PAH: variants seen among roughly 807,000 people sequenced by gnomAD.
The protein encoded by PAH is phenylalanine hydroxylase.
PAH carries 64 observed loss-of-function variants against 62.0 expected under a neutral mutation model. The ratio of observed to expected loss-of-function variants is 1.03; its 90% CI spans 0.84 to 1.27. The LOEUF is 1.27. Among genes scored for constraint, PAH ranks in the 50% most tolerant of loss-of-function variants. The probability of loss-of-function intolerance (pLI) is 0.00; values close to 1 mark genes in which losing one functional copy is unlikely to be tolerated. For synonymous variants in PAH, 195 were observed against 196.2 expected, an observed-to-expected ratio of 0.99 and a Z score of 0.05; for missense variants, 579 against 542.8, an observed-to-expected ratio of 1.07 and a Z score of -0.66.
intron 5 of PAH, among the ~76,000 whole-genome samples, chr12:102,859,763 A>G (rs1034204121): frequency 6.6e-6 from 1 of 152,254 alleles, no homozygotes; most frequent in Non-Finnish European, 1.5e-5. Context: ...GCCTTTGACA[A>G]AATTCAACAG....
intron 2 of PAH, among the ~76,000 whole-genome samples, chr12:102,896,559 ACGTGAAGGTGGC>A (rs1355355107): frequency 6.6e-6 from 1 of 152,202 alleles, no homozygotes; most frequent in Non-Finnish European, 1.5e-5. Flanking sequence ...TGCAGACAAG[ACGTGAAGGTGGC>A]TATGTCTATG....
chr12:102,876,904 C>T (rs370556508), intron 4 of PAH, among the ~76,000 whole-genome samples: 16 of 152,236 alleles, frequency 1.1e-4, no homozygotes, highest in East Asian at 9.7e-4. Flanking sequence ...GCCCCAGCCA[C>T]ATCTCTCATT....
intron 5 of PAH, among the ~76,000 whole-genome samples, chr12:102,856,310 A>C (rs1043600237): frequency 4.6e-5 from 7 of 152,102 alleles, no homozygotes; most frequent in Non-Finnish European, 1.0e-4. Context: ...CTATAGTTTA[A>C]AAGTCGTTAG....
At chr12:102,858,162 C>G (rs1875531010) in intron 5 of PAH, among the ~76,000 whole-genome samples, 1 of 152,106 alleles carries the variant, frequency 6.6e-6, no homozygotes, top group African/African-American at 2.4e-5. Context: ...TGAAAAAAGG[C>G]AGGGGTTGCA....
At chr12:102,895,869 A>AAATATATATATATATATATAT (rs953209518) in intron 2 of PAH, among the ~76,000 whole-genome samples, 102 of 118,648 alleles carry the variant, frequency 8.6e-4, no homozygotes, top group African/African-American at 3.5e-3. Context: ...AAAAAAAAAA[A>AAATATATATATATATATATAT]ATATATATAT....
At chr12:102,927,103 G>A (rs907921978) in intron 1 of PAH, among the ~76,000 whole-genome samples, 22 of 152,020 alleles carry the variant, frequency 1.4e-4, no homozygotes, top group African/African-American at 5.1e-4. Flanking sequence ...ACACTTAGGG[G>A]CAGAGAAGGC....
At chr12:102,902,927 T>A (rs61943173) in intron 2 of PAH, among the ~76,000 whole-genome samples, 13,887 of 152,254 alleles carry the variant, frequency 0.091, 738 homozygotes, top group African/African-American at 0.14. Context: ...TGGGGCTGCC[T>A]AACTCAGGGG....
chr12:102,889,150 A>C lies in PAH; in HGVS notation c.352+5585T>G, dbSNP rs538664856. Among the ~76,000 whole-genome samples, 15 of 152,218 alleles carry C rather than the reference A, an allele frequency of 9.9e-5. No individual in the cohort carries two copies. In the South Asian group the frequency reaches 2.1e-3, roughly 21 times the overall value. ...CCCTTTGAAAAATCTTGTCTCCTAA[A>C]AATTATGCATGCACACCCATGTATT... On this transcript the variant is annotated intron_variant, in intron 3 of 12. Coordinates refer to ENST00000553106, the MANE Select transcript of PAH (RefSeq NM_000277.3).
In PAH at chr12:102,894,800, TTGA is replaced by T. The variant is rs62508727; in HGVS notation, c.284_286del (p.Ile95del). ...GGCACCAATGTCATGCCTCAAGATCTTGATGATGTTTGTCAGAGCAGGCAGGCT... is the reference window on the plus strand; with the variant it reads ...GGCACCAATGTCATGCCTCAAGATCTTGATGTTTGTCAGAGCAGGCAGGCT... On this transcript the variant is annotated inframe_deletion, in exon 3 of 13. Coordinates refer to ENST00000553106, the MANE Select transcript of PAH (RefSeq NM_000277.3). 54 of 1,614,018 alleles carry T rather than the reference TTGA, an allele frequency of 3.3e-5. No homozygotes were observed. The highest frequency in any genetic ancestry group is 4.5e-5 in the East Asian group (2 of 44,888).
intron 8 of PAH, among the ~76,000 whole-genome samples, chr12:102,848,274 C>G (rs1330855716): frequency 7.1e-6 from 1 of 141,624 alleles, no homozygotes; most frequent in East Asian, 1.9e-4. Flanking sequence ...GACAGGACAC[C>G]AGGAGACTGG....
chr12:102,852,887 C>A lies in PAH; in HGVS notation c.770G>T (p.Gly257Val), dbSNP rs62642908. 1 of 1,614,024 alleles carries A rather than the reference C, an allele frequency of 6.2e-7. No homozygotes were observed. The highest frequency in any genetic ancestry group is 2.2e-5 in the East Asian group (1 of 44,874). ...GLLSSRDFLG[G>V]LAFRVFHCTQ... ...GCAGTGGAAGACTCGGAAGGCCAGGCCACCCAAGAAATCCCGAGAGGAAAG... is the reference window on the plus strand; with the variant it reads ...GCAGTGGAAGACTCGGAAGGCCAGGACACCCAAGAAATCCCGAGAGGAAAG... The change falls in exon 7 of 13, where the codon GGC becomes GTC. Residue 257 changes from glycine to valine, a missense_variant. Physicochemically the swap from Gly to Val is moderately radical, Grantham distance 109. Coordinates refer to ENST00000553106, the MANE Select transcript of PAH (RefSeq NM_000277.3).
chr12:102,891,691 C>G (rs1005334841), intron 3 of PAH, among the ~76,000 whole-genome samples: 2 of 152,104 alleles, frequency 1.3e-5, no homozygotes, highest in African/African-American at 4.8e-5. Context: ...AAAGTCACAC[C>G]GAGTGTGGTC....
chr12:102,954,297 C>T (rs1046681018), upstream of PAH, among the ~76,000 whole-genome samples: 5 of 152,238 alleles, frequency 3.3e-5, no homozygotes, highest in Admixed American at 3.3e-4. Flanking sequence ...CCCCTAGGTG[C>T]TGGGACAGTG....
At chr12:102,868,620 C>T (rs1277183970) in intron 4 of PAH, among the ~76,000 whole-genome samples, 3 of 151,390 alleles carry the variant, frequency 2.0e-5, no homozygotes, top group African/African-American at 4.9e-5. Context: ...TGTTGTGCCT[C>T]GTTTCTACTG....
intron 3 of PAH, among the ~76,000 whole-genome samples, chr12:102,889,534 G>GGACAGATAGATA (rs75657447): frequency 0.026 from 3,919 of 150,524 alleles, 89 homozygotes; most frequent in African/African-American, 0.05. Context: ...ATAGATAGAC[G>GGACAGATAGATA]GATAGATAGA....
At chr12:102,911,029 G>A (rs370455899) in intron 2 of PAH, among the ~76,000 whole-genome samples, 1 of 152,128 alleles carries the variant, frequency 6.6e-6, no homozygotes, top group South Asian at 2.1e-4. Context: ...CATTCCAGAG[G>A]TTACAATCTC....
chr12:102,917,184 G>A lies in PAH; in HGVS notation c.-54C>T, dbSNP rs1878418755. 1 of 1,552,904 alleles carries A rather than the reference G, an allele frequency of 6.4e-7. No individual in the cohort carries two copies. Among genetic ancestry groups the A allele is most frequent in the Non-Finnish European group, 8.9e-7 (1 of 1,124,536 alleles). On this transcript the variant is annotated 5_prime_UTR_variant, in exon 1 of 13. Coordinates refer to ENST00000553106, the MANE Select transcript of PAH (RefSeq NM_000277.3). Reference sequence around the variant, plus strand: ...CTTTTTAGGGCCTCAGGTACAGGCAGGTTTGCAAACAGCACGTGGGGCTGA... The same window carrying A: ...CTTTTTAGGGCCTCAGGTACAGGCAAGTTTGCAAACAGCACGTGGGGCTGA...
At chr12:102,896,940 C>T (rs1877530030) in intron 2 of PAH, among the ~76,000 whole-genome samples, 1 of 152,172 alleles carries the variant, frequency 6.6e-6, no homozygotes, top group South Asian at 2.1e-4. Context: ...TTTTTAGTGG[C>T]TGCCTGATGA....
At position 102,877,483 on chromosome 12, in the gene PAH, C is replaced by G; in HGVS notation, c.420G>C (p.Ala140=). The part of the protein sequence containing the change: ...RFANQILSYG[A]ELDADHPGFK... Reference sequence around the variant, plus strand: ...TCACAGGGTGGTCAGCATCCAGTTCCGCTCCATAGCTGAGAATCTGATTGG... The same window carrying G: ...TCACAGGGTGGTCAGCATCCAGTTCGGCTCCATAGCTGAGAATCTGATTGG... Residue 140 remains alanine (A), a synonymous_variant, in exon 4 of 13, where the codon GCG becomes GCC. Coordinates refer to ENST00000553106, the MANE Select transcript of PAH (RefSeq NM_000277.3). 6.2e-7 allele frequency: 1 copy of G among 1,613,906 alleles called. No individual in the cohort carries two copies.
Sources: allele counts gnomAD v4.1 joint callset (sites outside exome capture counted in the v4.1 genomes callset), GRCh38; gene constraint gnomAD v4.1.1; transcripts MANE v1.5; gene names NCBI Gene and HGNC (gene_info 2026-07-23, HGNC 2026-07-21).